NACC2: variants seen among roughly 807,000 people sequenced by gnomAD.
NACC2 encodes NACC family member 2, also known as nucleus accumbens-associated protein 2.
NACC2 carries 8 observed loss-of-function variants against 25.1 expected under a neutral mutation model. That is an observed-to-expected ratio of 0.32 (90% CI 0.19 to 0.57). NACC2 has a LOEUF of 0.57. Among genes scored for constraint, NACC2 ranks in the 20% least tolerant of loss-of-function variants. The pLI, the probability that NACC2 is intolerant of heterozygous loss-of-function variation, is 0.89. For missense variants in NACC2, 644 were observed against 650.2 expected (o/e 0.99, Z 0.10); for synonymous variants, 435 against 294.7 (o/e 1.48, Z -4.88).
At chr9:136,030,319 G>A (rs933997062) in intron 2 of NACC2, among the ~76,000 whole-genome samples, 1 of 152,124 alleles carries the variant, frequency 6.6e-6, no homozygotes, top group African/African-American at 2.4e-5. Flanking sequence ...TCTTAAAGAG[G>A]GTACTGGAGG....
intron 2 of NACC2, among the ~76,000 whole-genome samples, chr9:136,036,044 T>C (rs1220189623): frequency 6.6e-6 from 1 of 152,216 alleles, no homozygotes; most frequent in African/African-American, 2.4e-5. Flanking sequence ...TAAAAAATTA[T>C]ATTAACAAAA....
chr9:136,085,679 T>C (rs1293589552), intron 1 of NACC2, among the ~76,000 whole-genome samples: 1 of 151,980 alleles, frequency 6.6e-6, no homozygotes, highest in Non-Finnish European at 1.5e-5. Context: ...GACACACAGG[T>C]ATGCAGGGGA....
chr9:136,024,475 G>A (rs949669535), intron 2 of NACC2, among the ~76,000 whole-genome samples: 22 of 135,920 alleles, frequency 1.6e-4, no homozygotes, highest in Admixed American at 5.2e-4. Context: ...CAGAGGGTGC[G>A]TGTGAGGACA....
intron 2 of NACC2, among the ~76,000 whole-genome samples, chr9:136,046,507 G>A (rs1191421852): frequency 1.3e-5 from 2 of 152,200 alleles, no homozygotes; most frequent in Admixed American, 6.5e-5. Flanking sequence ...AGTGACTGCT[G>A]CAGAGATGAG....
rs985151782 is a variant in NACC2, at chr9:136,013,369, G to A, written c.1158-73C>T. On this transcript the variant is annotated intron_variant, in intron 4 of 5. Coordinates refer to ENST00000277554, the MANE Select transcript of NACC2 (RefSeq NM_144653.5). This position sits in a 1 kb window ranked among gnomAD's most constrained non-coding sequence, Gnocchi z 6.6. Reference sequence around the variant, plus strand: ...GTACCTGGAGGCGACCCGCCCGCACGAATGCCCTGCTGGGAGGCCACTTGG... The same window carrying A: ...GTACCTGGAGGCGACCCGCCCGCACAAATGCCCTGCTGGGAGGCCACTTGG... 6 of 1,386,776 alleles carry A rather than the reference G, an allele frequency of 4.3e-6. No individual in the cohort carries two copies. Among genetic ancestry groups the A allele is most frequent in the South Asian group, 2.5e-5 (2 of 80,896 alleles). 85.9% of individuals were successfully genotyped at this position (1,386,776 alleles called of 1,614,324 possible).
chr9:136,082,363 G>A (rs1830333095), intron 1 of NACC2, among the ~76,000 whole-genome samples: 3 of 152,226 alleles, frequency 2.0e-5, no homozygotes, highest in South Asian at 2.1e-4. Context: ...CTGAGCCGGC[G>A]GATGGGCCTC....
chr9:136,023,623 G>A (rs1199084759), intron 2 of NACC2, among the ~76,000 whole-genome samples: 2 of 152,214 alleles, frequency 1.3e-5, no homozygotes, highest in South Asian at 2.1e-4. Context: ...GGATCCCAGC[G>A]ATGATTTTTA....
chr9:136,094,332 T>C (rs1286367647), intron 1 of NACC2, among the ~76,000 whole-genome samples: 1 of 152,028 alleles, frequency 6.6e-6, no homozygotes, highest in Non-Finnish European at 1.5e-5. Flanking sequence ...TTTAAGCGGC[T>C]CCACGACGAG....
In NACC2 at chr9:136,013,325, G is replaced by A. The variant is rs1184882626; in HGVS notation, c.1158-29C>T. Reference sequence around the variant, plus strand: ...GTGGAGGGACCGGAAAGGCAGGCAGGGTGAGGATGATGGGGAGGGTACCTG... The same window carrying A: ...GTGGAGGGACCGGAAAGGCAGGCAGAGTGAGGATGATGGGGAGGGTACCTG... On this transcript the variant is annotated intron_variant, in intron 4 of 5. Transcript: ENST00000277554. This position sits in a 1 kb window ranked among gnomAD's most constrained non-coding sequence, Gnocchi z 6.6. 2 of 1,599,384 alleles carry A rather than the reference G, an allele frequency of 1.3e-6. No homozygotes were observed. Among genetic ancestry groups the A allele is most frequent in the Non-Finnish European group, 1.7e-6 (2 of 1,169,700 alleles).
rs776852080 is a variant in NACC2, at chr9:136,011,495, C to T, written c.*21G>A. On this transcript the variant is annotated 3_prime_UTR_variant, in exon 6 of 6. Transcript: ENST00000277554. Reference sequence around the variant, plus strand: ...CAAGCAGCTCTAGTACTCGGTCCCTCGCGCAGCCACCCAGCTCCGCTTACA... The same window carrying T: ...CAAGCAGCTCTAGTACTCGGTCCCTTGCGCAGCCACCCAGCTCCGCTTACA... 34 of 1,358,514 alleles carry T rather than the reference C, an allele frequency of 2.5e-5. No homozygotes were observed. The highest frequency in any genetic ancestry group is 1.2e-4 in the African/African-American group (8 of 66,312). 84.2% of individuals were successfully genotyped at this position (1,358,514 alleles called of 1,614,324 possible).
At chr9:136,033,939 G>C (rs1473546072) in intron 2 of NACC2, among the ~76,000 whole-genome samples, 2 of 149,592 alleles carry the variant, frequency 1.3e-5, no homozygotes, top group African/African-American at 4.9e-5. Context: ...GTGTGTGTGT[G>C]TGAGATATTT....
intron 1 of NACC2, among the ~76,000 whole-genome samples, chr9:136,051,922 A>AGAT (rs1840850302): frequency 6.7e-6 from 1 of 148,514 alleles, no homozygotes; most frequent in South Asian, 2.1e-4. Flanking sequence ...ATGGTGGAGG[A>AGAT]GGAGGAGGAG....
In NACC2 at chr9:136,007,487, GCACAGA is replaced by G. The variant is rs1488239120; in HGVS notation, c.*4023_*4028del. ...GACGCACACACACAGACGCACACAC[GCACAGA>G]CACACACATGCACAGACGCGCACAC... On this transcript the variant is annotated 3_prime_UTR_variant, in exon 6 of 6. Transcript: ENST00000277554. 6.8e-6 allele frequency: 1 copy of G among 146,834 alleles called. No individual in the cohort carries two copies. Among genetic ancestry groups the G allele is most frequent in the African/African-American group, 2.6e-5 (1 of 38,508 alleles). 9.1% of individuals were successfully genotyped at this position (146,834 alleles called of 1,614,324 possible). A position where few individuals can be genotyped will look rare whatever the true frequency, so the allele number is the denominator to read the frequency against.
chr9:136,037,796 A>G (rs547822587), intron 2 of NACC2, among the ~76,000 whole-genome samples: 1,891 of 152,212 alleles, frequency 0.012, 44 homozygotes, highest in African/African-American at 0.044. Flanking sequence ...GGCATGAACT[A>G]CTGTGCTTGG....
chr9:136,085,166 C>T (rs373315695), intron 1 of NACC2, among the ~76,000 whole-genome samples: 8 of 15,142 alleles, frequency 5.3e-4, no homozygotes, highest in East Asian at 3.7e-3. Flanking sequence ...TTTTTTTTGG[C>T]GAGACTGAGT....
chr9:136,050,486 G>A lies in NACC2; in HGVS notation c.36C>T (p.Phe12=). Residue 12 remains phenylalanine, a synonymous_variant, in exon 2 of 6, where the codon TTC becomes TTT. Coordinates refer to ENST00000277554, the MANE Select transcript of NACC2 (RefSeq NM_144653.5). ...SQMLHIEIPN[F]GNTVLGCLNE... is the part of the protein sequence containing the mutation. Reference sequence around the variant, plus strand: ...TCAGGCAGCCCAGCACTGTGTTCCCGAAGTTGGGGATCTCGATGTGCAGCA... The same window carrying A: ...TCAGGCAGCCCAGCACTGTGTTCCCAAAGTTGGGGATCTCGATGTGCAGCA... The A allele has an allele frequency of 7.8e-6, 6 of 764,842 alleles. No homozygotes were observed. The South Asian group carries it at 8.1e-5, about 10-fold the overall frequency. The allele number at this position is 764,842 out of a possible 1,614,324, so 47.4% of individuals were successfully genotyped here. A position where few individuals can be genotyped will look rare whatever the true frequency, so the allele number is the denominator to read the frequency against.
chr9:136,063,906 A>C (rs899630573), intron 1 of NACC2, among the ~76,000 whole-genome samples: 5 of 151,392 alleles, frequency 3.3e-5, no homozygotes, highest in South Asian at 4.2e-4. Flanking sequence ...AACAAAAAAA[A>C]CAAAAATCAC....
Position 136,018,664 on chromosome 9 carries a change from G to A in NACC2, c.887-2235C>T. 6.6e-6 allele frequency among the ~76,000 whole-genome samples: 1 copy of A among 152,014 alleles called. No homozygotes were observed. Among genetic ancestry groups the A allele is most frequent in the East Asian group, 1.9e-4 (1 of 5,164 alleles). On this transcript the variant is annotated intron_variant, in intron 2 of 5. Coordinates refer to ENST00000277554, the MANE Select transcript of NACC2 (RefSeq NM_144653.5). This position sits in a 1 kb window ranked among gnomAD's most constrained non-coding sequence, Gnocchi z 4.4. The stretch of plus-strand genomic sequence containing the variant: ...CAGAAAGGGGGCCTCAAAGGTGGGT[G>A]CACAGCCCCTGCCCGGCCACTACAG...
intron 2 of NACC2, among the ~76,000 whole-genome samples, chr9:136,047,251 C>G (rs904508518): frequency 5.3e-5 from 8 of 151,994 alleles, no homozygotes; most frequent in African/African-American, 1.7e-4. Context: ...CCAGGGGCAG[C>G]TCCAGGTCAG....
Sources: gnomAD v4.1 joint callset for allele counts (sites outside exome capture counted in the v4.1 genomes callset) on GRCh38, gnomAD v4.1.1 for gene constraint, Gnocchi (gnomAD v3.1) non-coding constraint, MANE v1.5 for transcripts, NCBI Gene and HGNC (gene_info 2026-07-23, HGNC 2026-07-21) for gene names.